The following SGCG variants were observed in gnomAD, a reference collection of about 807,000 sequenced individuals.
SGCG encodes the protein sarcoglycan gamma.
In SGCG, 26 loss-of-function variants were observed where a neutral mutation model predicts 29.3. The ratio of observed to expected loss-of-function variants is 0.89; its 90% CI spans 0.65 to 1.23. The LOEUF is 1.23. SGCG is among the 50% of genes most tolerant of loss of function. SGCG has a pLI of 0.00. For synonymous variants in SGCG, 145 were observed against 129.7 expected (o/e 1.12, Z -0.80); for missense variants, 353 against 356.0 (o/e 0.99, Z 0.07).
At chr13:23,181,299 A>G (rs1278037901) in intron 1 of SGCG, among the ~76,000 whole-genome samples, 1 of 152,206 alleles carries the variant, frequency 6.6e-6, no homozygotes, top group Non-Finnish European at 1.5e-5. Flanking sequence ...ACATATTTTT[A>G]GCATAATCCT....
intron 4 of SGCG, among the ~76,000 whole-genome samples, 157 bp from the exon 5 acceptor site, chr13:23,279,202 C>T (rs964863528): frequency 1.3e-5 from 2 of 152,084 alleles, no homozygotes; most frequent in Admixed American, 1.3e-4. Context: ...TTAAAAGTTG[C>T]AAAGTTTAAT....
intron 5 of SGCG, among the ~76,000 whole-genome samples, chr13:23,292,065 A>G (rs988272132): frequency 6.6e-6 from 1 of 152,060 alleles, no homozygotes; most frequent in Non-Finnish European, 1.5e-5. Context: ...CAGCTCCCAA[A>G]AGCTTCTCTA....
intron 4 of SGCG, among the ~76,000 whole-genome samples, chr13:23,254,384 T>C (rs1880097625): frequency 6.6e-6 from 1 of 152,108 alleles, no homozygotes; most frequent in South Asian, 2.1e-4. Context: ...CCTAGGAACC[T>C]ATGGAAGTTT....
At position 23,224,665 on chromosome 13, in the gene SGCG, T is replaced by TACACACACACACACACACAC. The variant is rs60671278; in HGVS notation, c.196-9930_196-9929insACACACACACACACACACAC. ...ATTCCAACCCCAAACAGGGCACACATACACACACACACACACCCCACACCA... is the reference window on the plus strand; with the variant it reads ...ATTCCAACCCCAAACAGGGCACACATACACACACACACACACACACACACACACACACACACCCCACACCA... On this transcript the variant is annotated intron_variant, in intron 2 of 7. Transcript: ENST00000218867. Among the ~76,000 whole-genome samples the TACACACACACACACACACAC allele has an allele frequency of 3.3e-3, 473 of 142,094 alleles. 2 individuals are homozygous for TACACACACACACACACACAC. Among genetic ancestry groups the TACACACACACACACACACAC allele is most frequent in the South Asian group, 8.3e-3 (37 of 4,436 alleles). The allele number at this position is 142,094 out of a possible 152,430, so 93.2% of individuals were successfully genotyped here. A position where few individuals can be genotyped will look rare whatever the true frequency, so the allele number is the denominator to read the frequency against.
chr13:23,304,563 A>T (rs1882292553), intron 6 of SGCG, among the ~76,000 whole-genome samples: 1 of 151,590 alleles, frequency 6.6e-6, no homozygotes. Context: ...TCCATTCATG[A>T]GCCAGTAAGG....
chr13:23,295,092 T>C (rs555369990), intron 5 of SGCG, among the ~76,000 whole-genome samples: 4 of 152,220 alleles, frequency 2.6e-5, no homozygotes, highest in Non-Finnish European at 5.9e-5. Flanking sequence ...TTAAAATATA[T>C]GGGTGTATGC....
intron 2 of SGCG, 113 bp downstream of exon 2, chr13:23,204,002 T>G (rs1274556327): frequency 3.5e-5 from 29 of 839,796 alleles, no homozygotes; most frequent in Non-Finnish European, 5.8e-5. Context: ...TTCTTTGCTG[T>G]CTGGCTCTGA....
chr13:23,284,638 T>C (rs1396821581), intron 5 of SGCG, among the ~76,000 whole-genome samples: 1 of 152,190 alleles, frequency 6.6e-6, no homozygotes, highest in Admixed American at 6.5e-5. Flanking sequence ...CTGTCCAGTT[T>C]TGTTCCCTTG....
At chr13:23,312,354 T>C (rs1265898289) in intron 6 of SGCG, among the ~76,000 whole-genome samples, 1 of 152,200 alleles carries the variant, frequency 6.6e-6, no homozygotes, top group African/African-American at 2.4e-5. Context: ...TCCGGTTGAT[T>C]TTGGTGTTTT....
chr13:23,255,263 C>T (rs1401471955), intron 4 of SGCG, among the ~76,000 whole-genome samples: 1 of 152,218 alleles, frequency 6.6e-6, no homozygotes, highest in Non-Finnish European at 1.5e-5. Context: ...CTTGAGGTGC[C>T]ATCTTATTGC....
At chr13:23,237,882 G>A (rs1184283558) in intron 3 of SGCG, among the ~76,000 whole-genome samples, 4 of 150,822 alleles carry the variant, frequency 2.7e-5, no homozygotes, top group Non-Finnish European at 5.9e-5. Flanking sequence ...AAAATGACTA[G>A]AAAAACACAC....
chr13:23,167,084 T>C, the SGCG span, among the ~76,000 whole-genome samples: 1 of 152,242 alleles, frequency 6.6e-6, no homozygotes, highest in Non-Finnish European at 1.5e-5. Context: ...ACCATCCTTC[T>C]ACTCTGTCTC....
intron 3 of SGCG, among the ~76,000 whole-genome samples, chr13:23,242,797 T>A (rs985436129): frequency 2.6e-5 from 4 of 152,144 alleles, no homozygotes; most frequent in African/African-American, 9.7e-5. Flanking sequence ...AAATGGTAAA[T>A]TTTGTGCTAT....
At chr13:23,265,790 G>A (rs558072935) in intron 4 of SGCG, among the ~76,000 whole-genome samples, 13 of 152,264 alleles carry the variant, frequency 8.5e-5, no homozygotes, top group African/African-American at 2.9e-4. Context: ...TACGAATGTG[G>A]TGAAAAAGGA....
chr13:23,178,922 A>G (rs142468287), upstream of SGCG, among the ~76,000 whole-genome samples: 1,280 of 152,268 alleles, frequency 8.4e-3, 9 homozygotes, highest in Non-Finnish European at 0.012. Flanking sequence ...TGATGACTGC[A>G]GTAGTCAAAA....
intron 5 of SGCG, 126 bp from the exon 6 acceptor site, chr13:23,295,289 C>T (rs929027771): frequency 3.0e-5 from 25 of 824,178 alleles, no homozygotes; most frequent in Middle Eastern, 2.7e-4. Context: ...GTAACTCAAA[C>T]ATCTGCAAAA....
chr13:23,210,577 G>A (rs918754248), intron 2 of SGCG, among the ~76,000 whole-genome samples: 5 of 152,080 alleles, frequency 3.3e-5, no homozygotes, highest in African/African-American at 9.7e-5. Flanking sequence ...TGTAGTCCCA[G>A]CTACTCGGGA....
the SGCG span, chr13:23,170,082 T>A: frequency 6.6e-6 from 1 of 152,218 alleles, no homozygotes; most frequent in African/African-American, 2.4e-5. Flanking sequence ...TAGTGGAATT[T>A]GCTCTAATTA....
intron 2 of SGCG, among the ~76,000 whole-genome samples, chr13:23,205,943 A>C (rs1278820864): frequency 1.3e-5 from 2 of 152,248 alleles, no homozygotes; most frequent in Non-Finnish European, 2.9e-5. Context: ...AGAAAATGCC[A>C]GGCCTTAATT....
Sources: allele counts gnomAD v4.1 joint callset (sites outside exome capture counted in the v4.1 genomes callset), GRCh38; gene constraint gnomAD v4.1.1; transcripts MANE v1.5; gene names NCBI Gene and HGNC (gene_info 2026-07-23, HGNC 2026-07-21).